Variants in AGMO observed in about 807,000 individuals in gnomAD.
The protein encoded by AGMO is alkylglycerol monooxygenase.
In AGMO, 75 loss-of-function variants were observed where a neutral mutation model predicts 60.2. That is an observed-to-expected ratio of 1.25 (90% CI 1.03 to 1.51). The LOEUF is 1.51. Ranked by LOEUF, AGMO falls within the 40% of genes most tolerant of loss-of-function variation. AGMO has a pLI of 0.00. For missense variants in AGMO, 763 were observed against 525.5 expected (o/e 1.45, Z -4.42); for synonymous variants, 261 against 177.1 (o/e 1.47, Z -3.76).
chr7:15,127,292 A>G, the AGMO span, among the ~76,000 whole-genome samples: 1 of 152,144 alleles, frequency 6.6e-6, no homozygotes, highest in Non-Finnish European at 1.5e-5. Flanking sequence ...TCATCAACAA[A>G]CACATATAAA....
chr7:15,508,823 T>A (rs1441870455), intron 3 of AGMO, among the ~76,000 whole-genome samples: 5 of 152,190 alleles, frequency 3.3e-5, no homozygotes, highest in African/African-American at 1.2e-4. Flanking sequence ...ATGTAAATAA[T>A]AATGTATGGA....
At chr7:15,477,558 T>C (rs1782630433) in intron 3 of AGMO, among the ~76,000 whole-genome samples, 1 of 152,136 alleles carries the variant, frequency 6.6e-6, no homozygotes, top group Non-Finnish European at 1.5e-5. Context: ...GAATGAAAAA[T>C]TCGGCAATTC....
At chr7:15,192,771 T>C in the AGMO span, among the ~76,000 whole-genome samples, 1 of 152,130 alleles carries the variant, frequency 6.6e-6, no homozygotes, top group Non-Finnish European at 1.5e-5. Context: ...CCTGTCCATT[T>C]GAGTGTTCCC....
At chr7:15,300,274 C>A (rs971120562) in intron 12 of AGMO, among the ~76,000 whole-genome samples, 4 of 141,258 alleles carry the variant, frequency 2.8e-5, no homozygotes, top group African/African-American at 1.2e-4. Flanking sequence ...GCAAATAAGT[C>A]TACTAAAGTT....
intron 12 of AGMO, among the ~76,000 whole-genome samples, chr7:15,291,986 G>A (rs1300392498): frequency 6.6e-6 from 1 of 152,174 alleles, no homozygotes; most frequent in African/African-American, 2.4e-5. Context: ...GTCAAGTATA[G>A]AAGACTCAAG....
At chr7:15,473,929 C>G (rs1472852108) in intron 3 of AGMO, among the ~76,000 whole-genome samples, 2 of 152,090 alleles carry the variant, frequency 1.3e-5, no homozygotes, top group East Asian at 3.9e-4. Context: ...AGAGCTAAAT[C>G]AAGAGTGAGC....
intron 12 of AGMO, among the ~76,000 whole-genome samples, chr7:15,332,729 A>T (rs1043722193): frequency 5.3e-5 from 8 of 152,186 alleles, no homozygotes; most frequent in African/African-American, 1.9e-4. Context: ...GGTGCTTAAT[A>T]AACAGTATTT....
rs369450393 is a variant in AGMO, at chr7:15,365,469, C to T, written c.1263+45G>A. ...TCCTTGAATGAATAAATTAAATGTG[C>T]GATAGGTATACGCCATCCTGTGGCT... is the stretch of plus-strand genomic sequence containing the variant. On this transcript the variant is annotated intron_variant, in intron 12 of 12. Coordinates refer to ENST00000342526, the MANE Select transcript of AGMO (RefSeq NM_001004320.2). 592 of 1,216,154 alleles carry T rather than the reference C, an allele frequency of 4.9e-4. 13 individuals are homozygous for T. The South Asian group carries it at 7.2e-3, about 15-fold the overall frequency. 75.3% of individuals were successfully genotyped at this position (1,216,154 alleles called of 1,614,324 possible).
At chr7:15,356,077 A>G (rs1782519806) in intron 12 of AGMO, among the ~76,000 whole-genome samples, 1 of 152,232 alleles carries the variant, frequency 6.6e-6, no homozygotes, top group Admixed American at 6.5e-5. Context: ...TCTGACAATT[A>G]CAACTTCGGT....
At chr7:15,387,156 A>G (rs1407213177) in intron 9 of AGMO, among the ~76,000 whole-genome samples, 1 of 152,210 alleles carries the variant, frequency 6.6e-6, no homozygotes, top group Non-Finnish European at 1.5e-5. Flanking sequence ...TATGAAAACC[A>G]GCCTCTGCAG....
Position 15,476,467 on chromosome 7 carries a change from G to A in AGMO, c.410-45359C>T, listed in dbSNP as rs557316408. On this transcript the variant is annotated intron_variant, in intron 3 of 12. Coordinates refer to ENST00000342526, the MANE Select transcript of AGMO (RefSeq NM_001004320.2). ...TCTAAGTAGGGCAGAACATGGATAA[G>A]GGCGGTGGTTGTTTTATTTTCATCT... Among the ~76,000 whole-genome samples, 9 of 152,192 alleles carry A rather than the reference G, an allele frequency of 5.9e-5. No individual in the cohort carries two copies. In the South Asian group the frequency reaches 1.9e-3, roughly 32 times the overall value.
intron 3 of AGMO, among the ~76,000 whole-genome samples, chr7:15,522,620 T>C (rs1784027598): frequency 6.6e-6 from 1 of 152,238 alleles, no homozygotes; most frequent in African/African-American, 2.4e-5. Flanking sequence ...TAATAACTGG[T>C]GTTGGAAAAA....
chr7:15,170,505 T>C, the AGMO span, among the ~76,000 whole-genome samples: 2 of 152,202 alleles, frequency 1.3e-5, no homozygotes, highest in African/African-American at 4.8e-5. Context: ...TGTATATGCA[T>C]GCATACATCT....
rs1782430647 is a variant in AGMO, at chr7:15,354,480, GTGTATATACACACGTGTATATA to G, written c.1263+11012_1263+11033del. ...TACACACGTGTGTGTATACACACGT[GTGTATATACACACGTGTATATA>G]TATATATATATATATATATATATAT... On this transcript the variant is annotated intron_variant, in intron 12 of 12. Coordinates refer to ENST00000342526, the MANE Select transcript of AGMO (RefSeq NM_001004320.2). Among the ~76,000 whole-genome samples the G allele has an allele frequency of 6.3e-4, 11 of 17,460 alleles. 2 individuals carry two copies. Among genetic ancestry groups the G allele is most frequent in the Admixed American group, 1.3e-3 (2 of 1,506 alleles). The allele number at this position is 17,460 out of a possible 152,430, so 11.5% of individuals were successfully genotyped here. A position where few individuals can be genotyped will look rare whatever the true frequency, so the allele number is the denominator to read the frequency against.
intron 12 of AGMO, among the ~76,000 whole-genome samples, chr7:15,276,011 A>T (rs1351891439): frequency 2.0e-5 from 3 of 152,110 alleles, no homozygotes; most frequent in South Asian, 4.1e-4. Context: ...AGTGGAGCAG[A>T]TAGGCCATTT....
At chr7:15,138,205 T>C in the AGMO span, among the ~76,000 whole-genome samples, 1 of 152,218 alleles carries the variant, frequency 6.6e-6, no homozygotes, top group South Asian at 2.1e-4. Context: ...CTGTTACTTA[T>C]TCTGAACCCG....
chr7:15,323,000 C>A lies in AGMO; in HGVS notation c.1263+42514G>T, dbSNP rs549650963. On this transcript the variant is annotated intron_variant, in intron 12 of 12. Transcript: ENST00000342526. Reference sequence around the variant, plus strand: ...ATATGTATTTATTTTTTATTTTTTCCTGTATCAAGAAAGGAAATTTTGTAG... The same window carrying A: ...ATATGTATTTATTTTTTATTTTTTCATGTATCAAGAAAGGAAATTTTGTAG... Among the ~76,000 whole-genome samples the A allele has an allele frequency of 7.7e-3, 559 of 72,364 alleles. 8 individuals are homozygous for A. The highest frequency in any genetic ancestry group is 0.035 in the African/African-American group (533 of 15,362). The allele number at this position is 72,364 out of a possible 152,430, so 47.5% of individuals were successfully genotyped here.
At chr7:15,354,476 A>ATG (rs1554422753) in intron 12 of AGMO, among the ~76,000 whole-genome samples, 3 of 22,528 alleles carry the variant, frequency 1.3e-4, no homozygotes, top group Admixed American at 1.0e-3. Context: ...GTGTATACAC[A>ATG]CGTGTGTATA....
chr7:15,271,535 G>T (rs73060437), intron 12 of AGMO, among the ~76,000 whole-genome samples: 5,229 of 152,192 alleles, frequency 0.034, 115 homozygotes, highest in Non-Finnish European at 0.053. Flanking sequence ...AAAATTTACA[G>T]AAGTCATTTG....
Sources: allele counts gnomAD v4.1 joint callset (sites outside exome capture counted in the v4.1 genomes callset), GRCh38; gene constraint gnomAD v4.1.1; transcripts MANE v1.5; gene names NCBI Gene and HGNC (gene_info 2026-07-23, HGNC 2026-07-21).